The following SLC39A11 variants were observed in gnomAD, a reference collection of about 807,000 sequenced individuals.
SLC39A11 encodes solute carrier family 39 member 11.
Under a neutral mutation model 36.1 loss-of-function variants are expected in SLC39A11, and 33 were observed. The ratio of observed to expected loss-of-function variants is 0.91; its 90% CI spans 0.69 to 1.22. The LOEUF (loss-of-function observed/expected upper bound fraction) is 1.22, where lower values mean the gene tolerates loss of function less well. SLC39A11 is among the 50% of genes most tolerant of loss of function. The pLI, the probability that SLC39A11 is intolerant of heterozygous loss-of-function variation, is 0.00. For synonymous variants in SLC39A11, 166 were observed against 170.3 expected (o/e 0.97, Z 0.20); for missense variants, 432 against 430.3 (o/e 1.00, Z -0.03).
intron 5 of SLC39A11, among the ~76,000 whole-genome samples, chr17:72,853,635 G>A (rs1040514134): frequency 1.3e-5 from 2 of 152,094 alleles, no homozygotes; most frequent in East Asian, 1.9e-4. Context: ...GAAAACTGAC[G>A]TCAGTGCCTT....
chr17:72,665,322 C>T (rs1427547324), intron 7 of SLC39A11, among the ~76,000 whole-genome samples: 1 of 151,060 alleles, frequency 6.6e-6, no homozygotes, highest in Non-Finnish European at 1.5e-5. Context: ...CAAAACCACT[C>T]TCAGATTCTT....
chr17:73,037,615 C>A (rs1043071088), intron 3 of SLC39A11, among the ~76,000 whole-genome samples: 1 of 152,220 alleles, frequency 6.6e-6, no homozygotes, highest in Non-Finnish European at 1.5e-5. Context: ...AGTGGGCTAA[C>A]AGGGCCATCG....
At chr17:72,839,323 G>A (rs2078704867) in intron 6 of SLC39A11, 1 of 152,150 alleles carries the variant, frequency 6.6e-6, no homozygotes, top group African/African-American at 2.4e-5. Context: ...ACCTGTGAAT[G>A]TTACCTTTCA....
chr17:72,849,888 G>A (rs4998297), intron 5 of SLC39A11, 84 bp from the exon 6 acceptor site: 728,120 of 1,305,422 alleles, frequency 0.56, 206,657 homozygotes, highest in Middle Eastern at 0.58. Flanking sequence ...AGCTACAGCA[G>A]GAAGAAGCTT....
intron 4 of SLC39A11, among the ~76,000 whole-genome samples, chr17:72,996,315 A>T (rs1471416690): frequency 1.3e-5 from 2 of 152,106 alleles, no homozygotes; most frequent in East Asian, 1.9e-4. Context: ...CGTTCTTCCC[A>T]TGGCCTTGTC....
At chr17:72,881,217 T>C (rs1367983318) in intron 5 of SLC39A11, among the ~76,000 whole-genome samples, 1 of 152,162 alleles carries the variant, frequency 6.6e-6, no homozygotes, top group Non-Finnish European at 1.5e-5. Context: ...AAATATTTGT[T>C]GCAGCTTTAT....
chr17:72,711,858 G>A (rs776061287), intron 7 of SLC39A11, among the ~76,000 whole-genome samples: 1 of 152,142 alleles, frequency 6.6e-6, no homozygotes, highest in Non-Finnish European at 1.5e-5. Context: ...AAATTCTAAC[G>A]AAAGACATGA....
At chr17:73,078,576 T>C (rs541118250) in intron 3 of SLC39A11, among the ~76,000 whole-genome samples, 9 of 151,784 alleles carry the variant, frequency 5.9e-5, no homozygotes, top group African/African-American at 2.2e-4. Context: ...AACCTCCACC[T>C]TCCGGGTTCA....
chr17:72,757,049 C>T (rs1246860122), intron 6 of SLC39A11, among the ~76,000 whole-genome samples: 1 of 151,562 alleles, frequency 6.6e-6, no homozygotes, highest in Non-Finnish European at 1.5e-5. Context: ...GCCTGTAATC[C>T]CAGCTACTAA....
At chr17:72,737,427 A>G (rs898778132) in intron 6 of SLC39A11, among the ~76,000 whole-genome samples, 1 of 152,208 alleles carries the variant, frequency 6.6e-6, no homozygotes, top group Admixed American at 6.5e-5. Context: ...TTGGGACAGA[A>G]ACTGTATGGC....
intron 6 of SLC39A11, among the ~76,000 whole-genome samples, chr17:72,806,120 T>A (rs2077248164): frequency 6.6e-6 from 1 of 152,142 alleles, no homozygotes; most frequent in Non-Finnish European, 1.5e-5. Context: ...GTTCCAGTTA[T>A]AATTAGAGAT....
chr17:72,950,749 C>T (rs73347554), intron 4 of SLC39A11, among the ~76,000 whole-genome samples: 6,495 of 152,166 alleles, frequency 0.043, 419 homozygotes, highest in African/African-American at 0.15. Flanking sequence ...TTGATTGAAG[C>T]CCATCTGGTA....
chr17:72,972,289 A>G (rs4969042), intron 4 of SLC39A11, among the ~76,000 whole-genome samples: 136,969 of 152,166 alleles, frequency 0.9, 62,652 homozygotes, highest in Middle Eastern at 0.99. Context: ...GTGGGTGGGA[A>G]GTGAGATGAA....
At chr17:73,034,383 T>C (rs1406332346) in intron 3 of SLC39A11, among the ~76,000 whole-genome samples, 2 of 152,308 alleles carry the variant, frequency 1.3e-5, no homozygotes, top group East Asian at 1.9e-4. Context: ...CCACCACACC[T>C]GGCTAATTTT....
chr17:73,000,526 T>G (rs1200166357), intron 4 of SLC39A11, among the ~76,000 whole-genome samples: 1 of 152,050 alleles, frequency 6.6e-6, no homozygotes, highest in East Asian at 1.9e-4. Context: ...AGCGACTTGG[T>G]TTTGGGTGTT....
intron 5 of SLC39A11, among the ~76,000 whole-genome samples, chr17:72,861,267 C>T (rs910866723): frequency 4.0e-4 from 61 of 152,070 alleles, no homozygotes; most frequent in African/African-American, 1.3e-3. Context: ...TCCATGTTCA[C>T]GCTGACATTT....
At chr17:73,077,176 T>C (rs1264496119) in intron 3 of SLC39A11, among the ~76,000 whole-genome samples, 1 of 152,166 alleles carries the variant, frequency 6.6e-6, no homozygotes, top group Non-Finnish European at 1.5e-5. Flanking sequence ...CAGGGAAACA[T>C]GTATGAGAAT....
chr17:72,997,893 T>C (rs991597785), intron 4 of SLC39A11, among the ~76,000 whole-genome samples: 1 of 152,184 alleles, frequency 6.6e-6, no homozygotes, highest in Non-Finnish European at 1.5e-5. Context: ...GTAGTGATGC[T>C]GGGAATTTGA....
At chr17:72,976,587 A>C (rs1203176912) in intron 4 of SLC39A11, among the ~76,000 whole-genome samples, 2 of 152,252 alleles carry the variant, frequency 1.3e-5, no homozygotes, top group Non-Finnish European at 2.9e-5. Context: ...GCGGTGGCTC[A>C]CGCCTGTAAT....
Sources: gnomAD v4.1 joint callset for allele counts (sites outside exome capture counted in the v4.1 genomes callset) on GRCh38, gnomAD v4.1.1 for gene constraint, MANE v1.5 for transcripts, NCBI Gene and HGNC (gene_info 2026-07-23, HGNC 2026-07-21) for gene names.